PITPNM2: variants seen among roughly 807,000 people sequenced by gnomAD.
PITPNM2 encodes membrane-associated phosphatidylinositol transfer protein 2.
PITPNM2 carries 35 observed loss-of-function variants against 132.2 expected under a neutral mutation model. The observed-to-expected ratio is 0.26, with a 90% CI of 0.20 to 0.35. PITPNM2 has a LOEUF of 0.35. Ranked by LOEUF, PITPNM2 falls within the 10% of genes least tolerant of loss-of-function variation. PITPNM2 has a pLI of 1.00. For missense variants in PITPNM2, 1,332 were observed against 1,912.0 expected (o/e 0.70, Z 5.66); for synonymous variants, 738 against 799.2 (o/e 0.92, Z 1.29).
Position 122,992,520 on chromosome 12 carries a change from C to T in PITPNM2, c.2383G>A (p.Asp795Asn), listed in dbSNP as rs1246712446. 5 of 1,610,912 alleles carry T rather than the reference C, an allele frequency of 3.1e-6. No homozygotes were observed. The highest frequency in any genetic ancestry group is 4.1e-4 in the Middle Eastern group (2 of 4,900). The change falls in exon 16 of 26, where the codon GAT becomes AAT. Residue 795 changes from aspartate (D) to asparagine (N), a missense_variant. Transcript: ENST00000320201. This position sits in a 1 kb window ranked among gnomAD's most constrained non-coding sequence, Gnocchi z 6.5. ...VPRYQRYPLG[D>N]GCSTLLADVL... Reference sequence around the variant, plus strand: ...TCACCCAGCAGCGTGGAGCAGCCATCCCCCAGCGGGTAGCGTTGGTAGCGG... The same window carrying T: ...TCACCCAGCAGCGTGGAGCAGCCATTCCCCAGCGGGTAGCGTTGGTAGCGG...
rs139063938 is a variant in PITPNM2, at chr12:123,034,625, G to A, written c.-35C>T. 6.3e-7 allele frequency: 1 copy of A among 1,590,760 alleles called. No homozygotes were observed. Among genetic ancestry groups the A allele is most frequent in the Middle Eastern group, 1.7e-4 (1 of 6,028 alleles). On this transcript the variant is annotated 5_prime_UTR_variant, in exon 3 of 26. Transcript: ENST00000320201. ...CAAGCCTTCCCGTCGATGGGGAACT[G>A]CAAGTTGGGACTTCTAGGCAAGGTT...
chr12:123,052,084 T>G (rs896661909), intron 2 of PITPNM2, among the ~76,000 whole-genome samples: 9 of 147,664 alleles, frequency 6.1e-5, no homozygotes, highest in African/African-American at 1.5e-4. Context: ...ATTGTTTTTT[T>G]TTTTTTTTTT....
At chr12:123,063,189 G>A (rs999137610) in intron 2 of PITPNM2, among the ~76,000 whole-genome samples, 1 of 152,238 alleles carries the variant, frequency 6.6e-6, no homozygotes, top group South Asian at 2.1e-4. Context: ...AGGCAGGAAT[G>A]AGGAACACGG....
At chr12:123,059,851 G>T (rs2041174165) in intron 2 of PITPNM2, among the ~76,000 whole-genome samples, 2 of 152,046 alleles carry the variant, frequency 1.3e-5, no homozygotes, top group Non-Finnish European at 2.9e-5. Context: ...AAGGGACAGG[G>T]GTTCCTTTCA....
At chr12:123,109,867 C>A (rs1366388513) in intron 2 of PITPNM2, among the ~76,000 whole-genome samples, 1 of 152,208 alleles carries the variant, frequency 6.6e-6, no homozygotes, top group Admixed American at 6.5e-5. Flanking sequence ...GGCAGAACAT[C>A]GGTCTTTCGT....
At position 123,004,507 on chromosome 12, in the gene PITPNM2, A is replaced by G. The variant is rs763216576; in HGVS notation, c.953-18T>C. 2 of 1,612,548 alleles carry G rather than the reference A, an allele frequency of 1.2e-6. No individual in the cohort carries two copies. The highest frequency in any genetic ancestry group is 1.3e-5 in the African/African-American group (1 of 74,922). On this transcript the variant is annotated intron_variant, in intron 7 of 25. Coordinates refer to ENST00000320201, the MANE Select transcript of PITPNM2 (RefSeq NM_020845.3). This position sits in a 1 kb window ranked among gnomAD's most constrained non-coding sequence, Gnocchi z 4.9. ...AGGACTCGCTGGAAGGCAAAACCCCAGATTGACCGCCAACTGGAGAGGAAG... is the reference window on the plus strand; with the variant it reads ...AGGACTCGCTGGAAGGCAAAACCCCGGATTGACCGCCAACTGGAGAGGAAG...
intron 5 of PITPNM2, 128 bp downstream of exon 5, chr12:123,012,485 G>A: frequency 7.8e-7 from 1 of 1,285,042 alleles, no homozygotes; most frequent in Non-Finnish European, 1.1e-6. Context: ...CTCCAACTCT[G>A]ACCTGCCTGC....
intron 1 of PITPNM2, among the ~76,000 whole-genome samples, chr12:123,116,082 G>A (rs1268858043): frequency 6.6e-6 from 1 of 152,198 alleles, no homozygotes; most frequent in Non-Finnish European, 1.5e-5. Flanking sequence ...ATGCCCTCGT[G>A]GAGTCCCCTC....
chr12:123,135,958 A>G (rs985563660), intron 1 of PITPNM2, among the ~76,000 whole-genome samples: 3 of 152,056 alleles, frequency 2.0e-5, no homozygotes, highest in African/African-American at 7.2e-5. Flanking sequence ...TTTTTTAATT[A>G]TTTGGTTTTT....
intron 2 of PITPNM2, among the ~76,000 whole-genome samples, chr12:123,086,801 G>A (rs547266215): frequency 7.9e-5 from 12 of 152,172 alleles, no homozygotes; most frequent in Non-Finnish European, 1.2e-4. Context: ...AGTCTCTGGC[G>A]TGCAGAGGCA....
rs1459721002 is a variant in PITPNM2 at position 122,984,934 on chromosome 12, CAAAG to C, written c.*1089_*1092del. 1 of 152,248 alleles carries C rather than the reference CAAAG, an allele frequency of 6.6e-6. No homozygotes were observed. The highest frequency in any genetic ancestry group is 1.9e-4 in the East Asian group (1 of 5,196). 9.4% of individuals were successfully genotyped at this position (152,248 alleles called of 1,614,324 possible). A position where few individuals can be genotyped will look rare whatever the true frequency, so the allele number is the denominator to read the frequency against. On this transcript the variant is annotated 3_prime_UTR_variant, in exon 26 of 26. Coordinates refer to ENST00000320201, the MANE Select transcript of PITPNM2 (RefSeq NM_020845.3). Reference sequence around the variant, plus strand: ...TCATGGCTGCCTGCCCTGAAGCTGACAAAGCAAGTTGTGGCTTCTTAGATTCGGC... The same window carrying C: ...TCATGGCTGCCTGCCCTGAAGCTGACCAAGTTGTGGCTTCTTAGATTCGGC...
chr12:122,996,502 C>G lies in PITPNM2; in HGVS notation c.1738G>C (p.Glu580Gln). Reference protein sequence around the residue: ...ALCYSNQPVSESQSSSRRGSV... With the variant: ...ALCYSNQPVSQSQSSSRRGSV... ...CCCCGGCGGCTGCTGCTCTGACTCT[C>G]AGACACCGGCTGGTTACTGTAGCAC... The change falls in exon 13 of 26, where the codon GAG becomes CAG. Residue 580 changes from glutamate to glutamine, a missense_variant. This residue lies in a region of PITPNM2 where 710 missense variants were observed against 911.5 expected (regional missense o/e 0.78). Coordinates refer to ENST00000320201, the MANE Select transcript of PITPNM2 (RefSeq NM_020845.3). 6.2e-7 allele frequency: 1 copy of G among 1,613,158 alleles called. No homozygotes were observed. Among genetic ancestry groups the G allele is most frequent in the Non-Finnish European group, 8.5e-7 (1 of 1,180,022 alleles).
rs1365372288 is a variant in PITPNM2 at position 122,992,127 on chromosome 12, G to A, written c.2404+372C>T. On this transcript the variant is annotated intron_variant, in intron 16 of 25. Coordinates refer to ENST00000320201, the MANE Select transcript of PITPNM2 (RefSeq NM_020845.3). This position sits in a 1 kb window ranked among gnomAD's most constrained non-coding sequence, Gnocchi z 6.5. Reference sequence around the variant, plus strand: ...CCGCCTGCCATGATGGGACCCAGCCGACCCAGGCCCCCTACTAAGTGAGGG... The same window carrying A: ...CCGCCTGCCATGATGGGACCCAGCCAACCCAGGCCCCCTACTAAGTGAGGG... Among the ~76,000 whole-genome samples the A allele has an allele frequency of 1.3e-5, 2 of 152,070 alleles. No homozygotes were observed. Among genetic ancestry groups the A allele is most frequent in the Admixed American group, 6.6e-5 (1 of 15,262 alleles).
intron 3 of PITPNM2, among the ~76,000 whole-genome samples, chr12:123,033,348 A>T (rs1481328625): frequency 1.3e-5 from 2 of 152,200 alleles, no homozygotes; most frequent in Non-Finnish European, 2.9e-5. Flanking sequence ...GCTGGGATGG[A>T]ACCTCTACAT....
intron 2 of PITPNM2, among the ~76,000 whole-genome samples, chr12:123,039,049 C>G (rs1385577931): frequency 6.6e-6 from 1 of 151,082 alleles, no homozygotes; most frequent in East Asian, 2.0e-4. Context: ...AGGACTCAAT[C>G]CAGTAAGAAG....
intron 2 of PITPNM2, among the ~76,000 whole-genome samples, chr12:123,065,233 G>A (rs562895971): frequency 9.2e-5 from 14 of 152,334 alleles, no homozygotes; most frequent in South Asian, 6.2e-4. Flanking sequence ...AAAACCAGAA[G>A]AAAGGGTGAA....
intron 2 of PITPNM2, among the ~76,000 whole-genome samples, chr12:123,102,979 A>G (rs1285721490): frequency 6.6e-6 from 1 of 152,166 alleles, no homozygotes; most frequent in Non-Finnish European, 1.5e-5. Flanking sequence ...GCTGGAGTGC[A>G]ATGGTGTAAT....
At chr12:123,085,579 A>G (rs2042089146) in intron 2 of PITPNM2, among the ~76,000 whole-genome samples, 1 of 152,128 alleles carries the variant, frequency 6.6e-6, no homozygotes, top group South Asian at 2.1e-4. Context: ...AATTCTGGAA[A>G]TGGATAGGGG....
At chr12:123,140,097 A>C (rs2043471943) in intron 1 of PITPNM2, among the ~76,000 whole-genome samples, 1 of 152,200 alleles carries the variant, frequency 6.6e-6, no homozygotes, top group Non-Finnish European at 1.5e-5. Flanking sequence ...TGGTCTGAGA[A>C]GTTCAAGGGA....
Sources: gnomAD v4.1 joint callset for allele counts (sites outside exome capture counted in the v4.1 genomes callset) on GRCh38, gnomAD v4.1.1 for gene constraint, gnomAD v4.1.1 regional missense constraint, Gnocchi (gnomAD v3.1) non-coding constraint, MANE v1.5 for transcripts, NCBI Gene and HGNC (gene_info 2026-07-23, HGNC 2026-07-21) for gene names.